The following MYH3 variants were observed in gnomAD, a reference collection of about 807,000 sequenced individuals.
MYH3 encodes the protein myosin-3.
In MYH3, 130 loss-of-function variants were observed where a neutral mutation model predicts 238.0. The observed-to-expected ratio is 0.55, with a 90% CI of 0.47 to 0.63. MYH3 has a LOEUF of 0.63. Among genes scored for constraint, MYH3 ranks in the 30% least tolerant of loss-of-function variants. The pLI, the probability that MYH3 is intolerant of heterozygous loss-of-function variation, is 0.00. For missense variants in MYH3, 1,853 were observed against 2,374.9 expected (o/e 0.78, Z 4.57); for synonymous variants, 880 against 924.1 (o/e 0.95, Z 0.86).
Position 10,636,516 on chromosome 17 carries a change from T to C in MYH3, c.3857-663A>G, listed in dbSNP as rs376014428. ...GAGCTTTATATCTCTAGTTAGACTC[T>C]TGGGGGAATAGGGTAAGTTCAAGTT... On this transcript the variant is annotated intron_variant, in intron 28 of 40. Coordinates refer to ENST00000583535, the MANE Select transcript of MYH3 (RefSeq NM_002470.4). Among the ~76,000 whole-genome samples, 4 of 152,128 alleles carry C rather than the reference T, an allele frequency of 2.6e-5. No homozygotes were observed. The East Asian group carries it at 7.7e-4, about 29-fold the overall frequency.
chr17:10,641,162 A>G lies in MYH3; in HGVS notation c.2088T>C (p.Cys696=). The change falls in exon 19 of 41, where the codon TGT becomes TGC. Residue 696 remains cysteine (C), a synonymous_variant. Coordinates refer to ENST00000583535, the MANE Select transcript of MYH3 (RefSeq NM_002470.4). Reference sequence around the variant, plus strand: ...TGCGGATGCCCTCCAGGACACCGTTACACCGCAGCTGGTGCAGAACAAGGC... The same window carrying G: ...TGCGGATGCCCTCCAGGACACCGTTGCACCGCAGCTGGTGCAGAACAAGGC... ...EHSLVLHQLR[C]NGVLEGIRIC... is the part of the protein sequence containing the mutation. 5 of 1,614,098 alleles carry G rather than the reference A, an allele frequency of 3.1e-6. No individual in the cohort carries two copies. The highest frequency in any genetic ancestry group is 4.2e-6 in the Non-Finnish European group (5 of 1,180,040).
intron 12 of MYH3, among the ~76,000 whole-genome samples, chr17:10,645,303 G>A (rs544021156): frequency 8.5e-5 from 13 of 152,106 alleles, no homozygotes; most frequent in African/African-American, 3.1e-4. Flanking sequence ...GCGGTGGTGT[G>A]TGCCTGTAAT....
intron 3 of MYH3, 46 bp from the exon 4 acceptor site, chr17:10,652,609 C>CTTTTTTTTTTTTTTTTTT: frequency 2.4e-6 from 1 of 423,520 alleles, no homozygotes; most frequent in Non-Finnish European, 3.8e-6. Context: ...GTCTGCACGT[C>CTTTTTTTTTTTTTTTTTT]TTTTTTTTTT....
upstream of MYH3, among the ~76,000 whole-genome samples, chr17:10,660,127 C>G (rs982727738): frequency 1.3e-5 from 2 of 152,218 alleles, no homozygotes; most frequent in Admixed American, 1.3e-4. Flanking sequence ...TTCGTCTTCT[C>G]CTCTGTAAAA....
rs2074173128 is a variant in MYH3 at position 10,632,526 on chromosome 17, G to T, written c.4906C>A (p.Gln1636Lys). ...AGGTGTTTGAGGGTCTCCGCCGCCT[G>T]GCGGTTGGCGTGGCTCAGCTGGATC... ...IEIQLSHANR[Q>K]AAETLKHLRS... Residue 1636 changes from glutamine to lysine, a missense_variant, in exon 34 of 41, where the codon CAG becomes AAG. Physicochemically the swap from Gln to Lys is moderately conservative, Grantham distance 53 (BLOSUM62 1). Coordinates refer to ENST00000583535, the MANE Select transcript of MYH3 (RefSeq NM_002470.4). 6.2e-7 allele frequency: 1 copy of T among 1,614,154 alleles called. No individual in the cohort carries two copies. The highest frequency in any genetic ancestry group is 1.1e-5 in the South Asian group (1 of 91,086).
At chr17:10,632,361 C>T (rs2074171097) in intron 34 of MYH3, 115 bp downstream of exon 34, 1 of 1,216,876 alleles carries the variant, frequency 8.2e-7, no homozygotes, top group African/African-American at 1.5e-5. Context: ...TCAAGTGAGC[C>T]TCTTGCCTCA....
the MYH3 span, among the ~76,000 whole-genome samples, chr17:10,672,046 A>G: frequency 6.6e-6 from 1 of 152,200 alleles, no homozygotes; most frequent in African/African-American, 2.4e-5. Flanking sequence ...TACAAAAACC[A>G]TCCCTACTAT....
chr17:10,658,125 G>A (rs542605457), upstream of MYH3, among the ~76,000 whole-genome samples: 19 of 152,190 alleles, frequency 1.2e-4, no homozygotes, highest in Non-Finnish European at 1.8e-4. Flanking sequence ...GAACGGTGGT[G>A]GCCTGCAGAG....
chr17:10,660,130 C>G (rs2074469634), upstream of MYH3, among the ~76,000 whole-genome samples: 1 of 152,254 alleles, frequency 6.6e-6, no homozygotes, highest in African/African-American at 2.4e-5. Flanking sequence ...GTCTTCTCCT[C>G]TGTAAAACGG....
At chr17:10,665,331 T>A in the MYH3 span, among the ~76,000 whole-genome samples, 1 of 152,022 alleles carries the variant, frequency 6.6e-6, no homozygotes, top group Admixed American at 6.6e-5. Context: ...TTAGTAGAGA[T>A]GAGGTTTCAC....
the MYH3 span, among the ~76,000 whole-genome samples, chr17:10,671,064 T>C: frequency 6.6e-6 from 1 of 152,004 alleles, no homozygotes; most frequent in Non-Finnish European, 1.5e-5. Flanking sequence ...CTAATTTTTT[T>C]TGTACTTTTA....
At chr17:10,646,715 G>A (rs2239931) in intron 10 of MYH3, among the ~76,000 whole-genome samples, 95,792 of 152,004 alleles carry the variant, frequency 0.63, 32,087 homozygotes, top group Non-Finnish European at 0.77. Flanking sequence ...TTTCAAATTG[G>A]CATGTCACTG....
chr17:10,665,184 C>A, the MYH3 span, among the ~76,000 whole-genome samples: 2 of 152,120 alleles, frequency 1.3e-5, no homozygotes, highest in Non-Finnish European at 2.9e-5. Context: ...GCTCTGTCGT[C>A]CAGGCTGGAG....
At chr17:10,644,122 A>C (rs967472403) in intron 14 of MYH3, among the ~76,000 whole-genome samples, 5 of 151,580 alleles carry the variant, frequency 3.3e-5, no homozygotes, top group South Asian at 2.1e-4. Flanking sequence ...GCGCCACTGC[A>C]TTCTGGCCTG....
chr17:10,666,958 G>C, the MYH3 span, among the ~76,000 whole-genome samples: 1 of 152,222 alleles, frequency 6.6e-6, no homozygotes, highest in Admixed American at 6.5e-5. Context: ...ATACACAGAA[G>C]GGCTTTAAAC....
Position 10,652,548 on chromosome 17 carries a change from G to A in MYH3, c.220C>T (p.Pro74Ser). ...TEDNRTLVVK[P>S]EDVYAMNPPK... is the part of the protein sequence containing the mutation. ...GGGTTCATGGCGTACACATCCTCTG[G>A]TTTGACCACCAGGGTCTAAAAAGGA... The change falls in exon 4 of 41, where the codon CCA becomes TCA. Residue 74 changes from proline (P) to serine (S), a missense_variant. By Grantham distance (74) the Pro-to-Ser change is moderately conservative (BLOSUM62 -1). This residue lies in a region of MYH3 where 131 missense variants were observed against 123.5 expected (regional missense o/e 1.06). Coordinates refer to ENST00000583535, the MANE Select transcript of MYH3 (RefSeq NM_002470.4). The A allele has an allele frequency of 6.2e-7, 1 of 1,600,778 alleles. No individual in the cohort carries two copies.
intron 6 of MYH3, among the ~76,000 whole-genome samples, chr17:10,650,061 T>G (rs1267960920): frequency 1.3e-5 from 2 of 152,172 alleles, no homozygotes; most frequent in African/African-American, 4.8e-5. Context: ...AAGCTCCGGC[T>G]CCTGGGTTCA....
At chr17:10,629,431 A>G (rs2074128999) in intron 40 of MYH3, among the ~76,000 whole-genome samples, 166 bp downstream of exon 40, 1 of 152,190 alleles carries the variant, frequency 6.6e-6, no homozygotes, top group Non-Finnish European at 1.5e-5. Flanking sequence ...TGTGACTCAC[A>G]GACCAGGATT....
In MYH3 at chr17:10,642,862, C is replaced by T; in HGVS notation, c.1545G>A (p.Gly515=). The T allele has an allele frequency of 1.2e-6, 2 of 1,614,128 alleles. No individual in the cohort carries two copies. Among genetic ancestry groups the T allele is most frequent in the Non-Finnish European group, 8.5e-7 (1 of 1,180,020 alleles). ...GCTCGATGCAGGCAGCCAGGTCCATCCCGAAGTCAATGAACGTCCACTCGA... is the reference window on the plus strand; with the variant it reads ...GCTCGATGCAGGCAGCCAGGTCCATTCCGAAGTCAATGAACGTCCACTCGA... ...EGIEWTFIDF[G]MDLAACIELI... The change falls in exon 15 of 41, where the codon GGG becomes GGA. Residue 515 remains glycine, a synonymous_variant. Transcript: ENST00000583535. This position sits in a 1 kb window ranked among gnomAD's most constrained non-coding sequence, Gnocchi z 5.4.
Sources: allele counts gnomAD v4.1 joint callset (sites outside exome capture counted in the v4.1 genomes callset), GRCh38; gene constraint gnomAD v4.1.1; regional missense constraint gnomAD v4.1.1; non-coding constraint Gnocchi (gnomAD v3.1); transcripts MANE v1.5; gene names NCBI Gene and HGNC (gene_info 2026-07-23, HGNC 2026-07-21).